SGSM1: variants seen among roughly 807,000 people sequenced by gnomAD.
The protein encoded by SGSM1 is small G protein signaling modulator 1.
In SGSM1, 73 loss-of-function variants were observed where a neutral mutation model predicts 133.8. That is an observed-to-expected ratio of 0.55 (90% CI 0.45 to 0.66). The LOEUF (loss-of-function observed/expected upper bound fraction) is 0.66, where lower values mean the gene tolerates loss of function less well. Ranked by LOEUF, SGSM1 falls within the 30% of genes least tolerant of loss-of-function variation. SGSM1 has a pLI of 0.00. For synonymous variants in SGSM1, 563 were observed against 573.0 expected (o/e 0.98, Z 0.25); for missense variants, 1,213 against 1,448.1 (o/e 0.84, Z 2.64).
chr22:24,908,992 A>G (rs1255822401), intron 21 of SGSM1, among the ~76,000 whole-genome samples: 1 of 152,180 alleles, frequency 6.6e-6, no homozygotes, highest in African/African-American at 2.4e-5. Context: ...GCAGGAGGTG[A>G]GCAGTAGGCT....
intron 2 of SGSM1, among the ~76,000 whole-genome samples, chr22:24,822,981 A>G (rs1286475488): frequency 6.6e-6 from 1 of 152,150 alleles, no homozygotes; most frequent in East Asian, 1.9e-4. Context: ...TGTGAGAAAC[A>G]CCCATAGGTG....
At chr22:24,870,019 C>T (rs1931688845) in intron 12 of SGSM1, among the ~76,000 whole-genome samples, 1 of 152,228 alleles carries the variant, frequency 6.6e-6, no homozygotes, top group African/African-American at 2.4e-5. Flanking sequence ...CTCATGTTCC[C>T]ATCCGAGGAT....
chr22:24,825,749 C>T (rs962808085), intron 2 of SGSM1, among the ~76,000 whole-genome samples: 2 of 152,138 alleles, frequency 1.3e-5, no homozygotes, highest in Non-Finnish European at 2.9e-5. Context: ...TTTTTAAAGC[C>T]ACCCTGCAGG....
intron 2 of SGSM1, among the ~76,000 whole-genome samples, chr22:24,807,193 C>G (rs1433898948): frequency 6.6e-6 from 1 of 152,122 alleles, no homozygotes; most frequent in Middle Eastern, 3.2e-3. Context: ...GGCCAATGAC[C>G]TCCCAGAACC....
chr22:24,893,089 G>A (rs1932842752), intron 16 of SGSM1, among the ~76,000 whole-genome samples: 1 of 149,098 alleles, frequency 6.7e-6, no homozygotes, highest in Non-Finnish European at 1.5e-5. Flanking sequence ...CGGAGGGGGG[G>A]GAGGGAAAGA....
intron 5 of SGSM1, among the ~76,000 whole-genome samples, chr22:24,851,433 G>C (rs1569147575): frequency 8.2e-6 from 1 of 122,576 alleles, no homozygotes; most frequent in African/African-American, 3.7e-5. Flanking sequence ...TGGCAGGAAG[G>C]GAGGGGGGGG....
intron 8 of SGSM1, among the ~76,000 whole-genome samples, chr22:24,858,575 G>A (rs1160274324): frequency 6.6e-6 from 1 of 150,716 alleles, no homozygotes; most frequent in Admixed American, 6.6e-5. Context: ...AGCAGACGTT[G>A]CAGTGAGCCG....
chr22:24,877,665 C>G (rs1932090550), intron 13 of SGSM1, among the ~76,000 whole-genome samples: 1 of 152,008 alleles, frequency 6.6e-6, no homozygotes. Context: ...GTCCGTGAAC[C>G]AGCATCAGCA....
chr22:24,836,088 A>G (rs1006130651), intron 2 of SGSM1, among the ~76,000 whole-genome samples: 1 of 152,248 alleles, frequency 6.6e-6, no homozygotes, highest in African/African-American at 2.4e-5. Context: ...CTCTATACCC[A>G]TTAAATAATG....
At chr22:24,875,557 G>T (rs1296381426) in intron 12 of SGSM1, among the ~76,000 whole-genome samples, 1 of 151,326 alleles carries the variant, frequency 6.6e-6, no homozygotes, top group Non-Finnish European at 1.5e-5. Context: ...AAAGAATGGC[G>T]TGAACCCAGG....
Position 24,924,276 on chromosome 22 carries a change from G to A in SGSM1, c.*2G>A. The A allele has an allele frequency of 6.2e-7, 1 of 1,613,490 alleles. No individual in the cohort carries two copies. The highest frequency in any genetic ancestry group is 8.5e-7 in the Non-Finnish European group (1 of 1,179,624). On this transcript the variant is annotated 3_prime_UTR_variant, in exon 25 of 25. Transcript: ENST00000400358. ...CAGACTCTGATTGAGAACAAGTGAGGGGCACCTCACCCCGGCAGCCTCAGC... is the reference window on the plus strand; with the variant it reads ...CAGACTCTGATTGAGAACAAGTGAGAGGCACCTCACCCCGGCAGCCTCAGC...
At chr22:24,806,366 G>A (rs1417071524) in intron 1 of SGSM1, 22 bp downstream of exon 1, 7 of 1,502,064 alleles carry the variant, frequency 4.7e-6, no homozygotes, top group Non-Finnish European at 6.2e-6. Context: ...CTGGACACGA[G>A]GGCGGCGGGA....
At chr22:24,915,249 T>C (rs574990207) in intron 22 of SGSM1, among the ~76,000 whole-genome samples, 1 of 150,642 alleles carries the variant, frequency 6.6e-6, no homozygotes, top group African/African-American at 2.5e-5. Context: ...AATAAATAAA[T>C]AAATAAACAA....
rs533760122 is a variant in SGSM1, at chr22:24,919,433, A to G, written c.3026-393A>G. Reference sequence around the variant, plus strand: ...GCCGGCTCTGCCAGTGTGTGGGGGGAAAGAAGAAAGGGCTCTATGGGTGCT... The same window carrying G: ...GCCGGCTCTGCCAGTGTGTGGGGGGGAAGAAGAAAGGGCTCTATGGGTGCT... On this transcript the variant is annotated intron_variant, in intron 23 of 24. Transcript: ENST00000400358. 1.3e-3 allele frequency among the ~76,000 whole-genome samples: 193 copies of G among 152,052 alleles called. 1 individual carries two copies. The highest frequency in any genetic ancestry group is 2.5e-3 in the South Asian group (12 of 4,806).
intron 12 of SGSM1, chr22:24,874,279 C>T (rs1931909496): frequency 1.2e-6 from 1 of 850,574 alleles, no homozygotes; most frequent in African/African-American, 1.7e-5. Flanking sequence ...TAATTGAACA[C>T]AGTGAATGTG....
chr22:24,832,054 C>T (rs1007428456), intron 2 of SGSM1, among the ~76,000 whole-genome samples: 2 of 152,184 alleles, frequency 1.3e-5, no homozygotes, highest in Non-Finnish European at 2.9e-5. Context: ...CTGGCTCAGC[C>T]CGTGGCTGTC....
intron 2 of SGSM1, among the ~76,000 whole-genome samples, chr22:24,835,817 C>A (rs1929394549): frequency 6.6e-6 from 1 of 151,952 alleles, no homozygotes; most frequent in Admixed American, 6.6e-5. Flanking sequence ...GTGGTGAGGA[C>A]TTGGGTTGTC....
chr22:24,846,703 G>C lies in SGSM1; in HGVS notation c.140-931G>C, dbSNP rs16979068. On this transcript the variant is annotated intron_variant, in intron 3 of 24. Transcript: ENST00000400358. Reference sequence around the variant, plus strand: ...TATGTCTACAAAGCCTGAATAGTCAGTTCACTTACATCGCCATAAGCAAAT... The same window carrying C: ...TATGTCTACAAAGCCTGAATAGTCACTTCACTTACATCGCCATAAGCAAAT... Among the ~76,000 whole-genome samples the C allele has an allele frequency of 7.8e-3, 1,184 of 152,268 alleles. 16 individuals are homozygous for C. The highest frequency in any genetic ancestry group is 0.027 in the African/African-American group (1,111 of 41,552).
intron 2 of SGSM1, among the ~76,000 whole-genome samples, chr22:24,833,231 G>A (rs1489510160): frequency 2.0e-5 from 3 of 151,616 alleles, no homozygotes; most frequent in Non-Finnish European, 4.4e-5. Context: ...CACCATGCCT[G>A]GCCAATTTCC....
Sources: allele counts gnomAD v4.1 joint callset (sites outside exome capture counted in the v4.1 genomes callset), GRCh38; gene constraint gnomAD v4.1.1; transcripts MANE v1.5; gene names NCBI Gene and HGNC (gene_info 2026-07-23, HGNC 2026-07-21).